OTUD7A: variants seen among roughly 807,000 people sequenced by gnomAD.
OTUD7A encodes the protein OTU domain-containing protein 7A.
Under a neutral mutation model 65.7 loss-of-function variants are expected in OTUD7A, and 12 were observed. The ratio of observed to expected loss-of-function variants is 0.18; its 90% CI spans 0.12 to 0.30. OTUD7A has a LOEUF of 0.30. OTUD7A is among the 10% of genes least tolerant of loss of function. The pLI is 1.00. For synonymous variants in OTUD7A, 641 were observed against 586.3 expected (o/e 1.09, Z -1.35); for missense variants, 1,148 against 1,304.8 (o/e 0.88, Z 1.85).
At chr15:31,763,248 A>G (rs1049616169) in intron 1 of OTUD7A, among the ~76,000 whole-genome samples, 2 of 152,124 alleles carry the variant, frequency 1.3e-5, no homozygotes, top group African/African-American at 2.4e-5. Flanking sequence ...GTGCCACTGC[A>G]CTCCAGCCTG....
At chr15:31,767,265 C>A (rs1895115675) in intron 1 of OTUD7A, 22 of 856,528 alleles carry the variant, frequency 2.6e-5, no homozygotes, top group Non-Finnish European at 4.3e-5. Context: ...TGTTATGTAG[C>A]CACAAACAAC....
intron 8 of OTUD7A, among the ~76,000 whole-genome samples, chr15:31,518,533 G>A (rs1013801680): frequency 2.0e-5 from 3 of 152,066 alleles, no homozygotes; most frequent in East Asian, 1.9e-4. Flanking sequence ...GAGTAAATGC[G>A]CATAAACTGT....
chr15:31,767,128 C>A lies in OTUD7A; in HGVS notation c.-100+103379G>T. ...ATCTGATTCTTCTTTATTTTTTTTT[C>A]TCTACGAAGCAGACTGAGAAGGCGG... is the stretch of plus-strand genomic sequence containing the variant. On this transcript the variant is annotated intron_variant, in intron 1 of 12. Coordinates refer to ENST00000307050, the MANE Select transcript of OTUD7A (RefSeq NM_001382637.1). The A allele has an allele frequency of 1.3e-6, 2 of 1,503,434 alleles. 1 individual carries two copies. Among genetic ancestry groups the A allele is most frequent in the South Asian group, 2.4e-5 (2 of 83,384 alleles). The allele number at this position is 1,503,434 out of a possible 1,614,324, so 93.1% of individuals were successfully genotyped here.
chr15:31,751,846 G>T (rs1894645063), intron 1 of OTUD7A, among the ~76,000 whole-genome samples: 1 of 152,136 alleles, frequency 6.6e-6, no homozygotes, highest in African/African-American at 2.4e-5. Flanking sequence ...TAAATATTGG[G>T]TATGCACAGA....
intron 1 of OTUD7A, among the ~76,000 whole-genome samples, chr15:31,724,491 C>T (rs1167916383): frequency 6.6e-6 from 1 of 152,184 alleles, no homozygotes. Context: ...TGTGCTTCAT[C>T]AATGATTTGA....
chr15:31,653,747 G>A (rs71476551), intron 3 of OTUD7A, among the ~76,000 whole-genome samples: 13,305 of 151,314 alleles, frequency 0.088, 1,481 homozygotes, highest in African/African-American at 0.26. Flanking sequence ...CAATTTTTCT[G>A]TATCTTAATG....
intron 2 of OTUD7A, among the ~76,000 whole-genome samples, chr15:31,656,321 G>A (rs368564161): frequency 2.0e-5 from 3 of 152,230 alleles, no homozygotes; most frequent in African/African-American, 7.2e-5. Context: ...TTGTGTTTGT[G>A]TAGATAAGAG....
chr15:31,559,300 C>A, intron 4 of OTUD7A, 113 bp from the exon 5 acceptor site: 1 of 1,014,350 alleles, frequency 9.9e-7, no homozygotes, highest in South Asian at 1.6e-5. Flanking sequence ...GGTACACATT[C>A]ATGCACACAG....
intron 1 of OTUD7A, among the ~76,000 whole-genome samples, chr15:31,693,656 G>T (rs1193251393): frequency 3.3e-5 from 5 of 152,140 alleles, no homozygotes; most frequent in Non-Finnish European, 7.3e-5. Flanking sequence ...GCGTGTCTGG[G>T]GCGCTCCAGG....
At chr15:31,765,400 T>C (rs1456993764) in intron 1 of OTUD7A, among the ~76,000 whole-genome samples, 1 of 150,032 alleles carries the variant, frequency 6.7e-6, no homozygotes, top group South Asian at 2.1e-4. Flanking sequence ...TCTCAGAACT[T>C]GCACATGTGC....
At chr15:31,852,857 A>G (rs1369425966) in intron 1 of OTUD7A, among the ~76,000 whole-genome samples, 1 of 152,262 alleles carries the variant, frequency 6.6e-6, no homozygotes, top group Non-Finnish European at 1.5e-5. Context: ...CTAAAGCAGT[A>G]AGAATTCATT....
intron 3 of OTUD7A, among the ~76,000 whole-genome samples, chr15:31,626,244 T>C (rs1890947530): frequency 6.6e-6 from 1 of 152,160 alleles, no homozygotes; most frequent in Non-Finnish European, 1.5e-5. Context: ...GGCGGAAACA[T>C]TTAAGGTGAA....
At position 31,786,965 on chromosome 15, in the gene OTUD7A, A is replaced by G. The variant is rs138594129; in HGVS notation, c.-100+83542T>C. 4.6e-4 allele frequency among the ~76,000 whole-genome samples: 70 copies of G among 152,316 alleles called. 1 individual carries two copies. The East Asian group carries it at 0.013, about 29-fold the overall frequency. On this transcript the variant is annotated intron_variant, in intron 1 of 12. Coordinates refer to ENST00000307050, the MANE Select transcript of OTUD7A (RefSeq NM_001382637.1). ...GGGGAAAATGTTGCTTTACATATAA[A>G]AGTCAATGTTTAGCTCTAGGTATGT...
At chr15:31,718,382 G>A (rs1279788671) in intron 1 of OTUD7A, among the ~76,000 whole-genome samples, 1 of 152,018 alleles carries the variant, frequency 6.6e-6, no homozygotes, top group Admixed American at 6.6e-5. Flanking sequence ...TTTATTAGCT[G>A]ACACTCCACT....
rs2041145124 is a variant in OTUD7A at position 31,482,704 on chromosome 15, A to G, written c.*590T>C. 1 of 152,174 alleles carries G rather than the reference A, an allele frequency of 6.6e-6. No homozygotes were observed. Among genetic ancestry groups the G allele is most frequent in the African/African-American group, 2.4e-5 (1 of 41,408 alleles). 9.4% of individuals were successfully genotyped at this position (152,174 alleles called of 1,614,324 possible). ...GGGGCTGGGGGAGGAGGTTTTGCTT[A>G]TGAAATGGAGCTGTGTGTTTCTAAA... On this transcript the variant is annotated 3_prime_UTR_variant, in exon 13 of 13. Coordinates refer to ENST00000307050, the MANE Select transcript of OTUD7A (RefSeq NM_001382637.1).
In OTUD7A at chr15:31,484,747, A is replaced by G. The variant is rs1381540666; in HGVS notation, c.1372-23T>C. 1 of 1,586,522 alleles carries G rather than the reference A, an allele frequency of 6.3e-7. No individual in the cohort carries two copies. The highest frequency in any genetic ancestry group is 1.1e-5 in the South Asian group (1 of 88,716). ...CGCCTGTGTGGAGAGGGAGGGCCGG[A>G]TCGAAGGTGGTTAGAGAAGAGCTGT... On this transcript the variant is annotated intron_variant, in intron 12 of 12. Coordinates refer to ENST00000307050, the MANE Select transcript of OTUD7A (RefSeq NM_001382637.1). The surrounding 1 kb of genome is among the most constrained non-coding windows in gnomAD (Gnocchi z 4.5).
rs189580308 is a variant in OTUD7A at position 31,633,545 on chromosome 15, C to T, written c.151+21551G>A. Among the ~76,000 whole-genome samples the T allele has an allele frequency of 1.1e-4, 17 of 152,260 alleles. 2 individuals are homozygous for T. The highest frequency in any genetic ancestry group is 3.9e-4 in the African/African-American group (16 of 41,550). ...CCTCTTCCCAGGCCCTCAAAATGGT[C>T]GATCCAGAGATGTGCCTTATATAGC... On this transcript the variant is annotated intron_variant, in intron 3 of 12. Transcript: ENST00000307050.
intron 4 of OTUD7A, among the ~76,000 whole-genome samples, chr15:31,561,614 T>C (rs1888690854): frequency 6.6e-6 from 1 of 152,158 alleles, no homozygotes. Context: ...GTTCTGCAGT[T>C]CTAAACATGA....
chr15:31,648,273 T>A (rs1022814895), intron 3 of OTUD7A, among the ~76,000 whole-genome samples: 1 of 152,052 alleles, frequency 6.6e-6, no homozygotes, highest in Non-Finnish European at 1.5e-5. Flanking sequence ...GGGAAGTAAA[T>A]GAGCAACTGA....
Sources: gnomAD v4.1 joint callset for allele counts (sites outside exome capture counted in the v4.1 genomes callset) on GRCh38, gnomAD v4.1.1 for gene constraint, Gnocchi (gnomAD v3.1) non-coding constraint, MANE v1.5 for transcripts, NCBI Gene and HGNC (gene_info 2026-07-23, HGNC 2026-07-21) for gene names.